Variants in TMEM233 observed in about 807,000 individuals in gnomAD.
TMEM233 encodes transmembrane protein 233.
TMEM233 carries 6 observed loss-of-function variants against 11.2 expected under a neutral mutation model. The ratio of observed to expected loss-of-function variants is 0.54; its 90% CI spans 0.29 to 1.06. TMEM233 has a LOEUF of 1.06. TMEM233 is among the 50% of genes least tolerant of loss of function. TMEM233 has a pLI of 0.08. For missense variants in TMEM233, 127 were observed against 144.7 expected, an observed-to-expected ratio of 0.88 and a Z score of 0.63; for synonymous variants, 59 against 55.8, an observed-to-expected ratio of 1.06 and a Z score of -0.26.
chr12:119,651,471 C>T, the TMEM233 span, among the ~76,000 whole-genome samples: 15 of 152,060 alleles, frequency 9.9e-5, no homozygotes, highest in South Asian at 2.1e-4. Flanking sequence ...GTGACCATTC[C>T]GAAAAAAACT....
the TMEM233 span, among the ~76,000 whole-genome samples, chr12:119,653,484 C>G: frequency 6.6e-6 from 1 of 150,672 alleles, no homozygotes; most frequent in Non-Finnish European, 1.5e-5. Context: ...AGAAACAGAC[C>G]CAAAGACAAT....
intron 1 of TMEM233, among the ~76,000 whole-genome samples, chr12:119,621,907 G>C (rs928502503): frequency 1.3e-5 from 2 of 152,170 alleles, no homozygotes; most frequent in African/African-American, 4.8e-5. Context: ...AAGTTGCCAA[G>C]GTCACTGAGT....
intron 1 of TMEM233, among the ~76,000 whole-genome samples, chr12:119,618,673 C>G (rs7138221): frequency 0.38 from 57,373 of 152,006 alleles, 11,927 homozygotes; most frequent in African/African-American, 0.53. Flanking sequence ...CCTGTAGCCA[C>G]TTTGTTTTGG....
intron 1 of TMEM233, among the ~76,000 whole-genome samples, chr12:119,625,694 A>G (rs1954741149): frequency 1.3e-5 from 2 of 152,192 alleles, no homozygotes; most frequent in South Asian, 4.1e-4. Flanking sequence ...AATGACCTAT[A>G]TAATCACCAA....
chr12:119,647,532 C>A (rs781368735), downstream of TMEM233, among the ~76,000 whole-genome samples: 2 of 152,108 alleles, frequency 1.3e-5, no homozygotes, highest in Non-Finnish European at 2.9e-5. Flanking sequence ...CTAGTGCCAG[C>A]GAGTCTGTTC....
At chr12:119,645,492 G>T (rs1955138633), downstream of TMEM233, among the ~76,000 whole-genome samples, 1 of 152,134 alleles carries the variant, frequency 6.6e-6, no homozygotes, top group South Asian at 2.1e-4. Flanking sequence ...ACAAAGAGAG[G>T]CAGGCATAAA....
intron 1 of TMEM233, among the ~76,000 whole-genome samples, chr12:119,622,210 T>A (rs1008673443): frequency 6.6e-6 from 1 of 152,220 alleles, no homozygotes; most frequent in Admixed American, 6.5e-5. Flanking sequence ...AGTGTCAGTT[T>A]TCTTTTCATA....
chr12:119,647,155 G>A (rs555423197), downstream of TMEM233, among the ~76,000 whole-genome samples: 9 of 152,218 alleles, frequency 5.9e-5, no homozygotes, highest in East Asian at 1.4e-3. Flanking sequence ...CTCTGCCTCC[G>A]AAAGTGCTGG....
chr12:119,609,687 C>G (rs1040966401), intron 1 of TMEM233, among the ~76,000 whole-genome samples: 1 of 152,224 alleles, frequency 6.6e-6, no homozygotes. Flanking sequence ...AGCCTCAAGC[C>G]TTGGGGGCTC....
intron 1 of TMEM233, among the ~76,000 whole-genome samples, chr12:119,616,195 C>G (rs548068891): frequency 6.6e-6 from 1 of 152,298 alleles, no homozygotes; most frequent in South Asian, 2.1e-4. Context: ...TTCCGTTTTG[C>G]CAACATGAGC....
intron 1 of TMEM233, among the ~76,000 whole-genome samples, chr12:119,621,269 G>A (rs547529630): frequency 6.6e-6 from 1 of 152,266 alleles, no homozygotes; most frequent in East Asian, 1.9e-4. Flanking sequence ...TGAACTCCTG[G>A]ACTCACGTGA....
At chr12:119,622,630 C>A (rs530977214) in intron 1 of TMEM233, among the ~76,000 whole-genome samples, 38 of 152,246 alleles carry the variant, frequency 2.5e-4, no homozygotes, top group Non-Finnish European at 7.4e-5. Context: ...GGAAAGAATT[C>A]TTTCTGCTTC....
intron 1 of TMEM233, among the ~76,000 whole-genome samples, chr12:119,604,998 C>CTCTTTTTTTTT (rs567468740): frequency 7.1e-6 from 1 of 141,458 alleles, no homozygotes; most frequent in Non-Finnish European, 1.5e-5. Context: ...CCCTCACTAT[C>CTCTTTTTTTTT]TTTTTTTTTT....
chr12:119,633,213 A>C (rs138146585), intron 2 of TMEM233, among the ~76,000 whole-genome samples: 1,786 of 152,250 alleles, frequency 0.012, 35 homozygotes, highest in African/African-American at 0.041. Flanking sequence ...AATTTCCCTA[A>C]CTATAAAATG....
intron 1 of TMEM233, among the ~76,000 whole-genome samples, chr12:119,627,462 G>A (rs1165090740): frequency 2.0e-5 from 3 of 152,172 alleles, no homozygotes; most frequent in Non-Finnish European, 2.9e-5. Context: ...ATCTTCTTCC[G>A]GTGAGGACTC....
chr12:119,647,364 A>T (rs1955167640), downstream of TMEM233, among the ~76,000 whole-genome samples: 1 of 152,180 alleles, frequency 6.6e-6, no homozygotes, highest in Admixed American at 6.5e-5. Flanking sequence ...GCCCTTGTTG[A>T]CCAGTGATCA....
rs548240506 is a variant in TMEM233 at position 119,594,693 on chromosome 12, C to T, written c.186+659C>T. Among the ~76,000 whole-genome samples the T allele has an allele frequency of 4.0e-4, 61 of 152,264 alleles. No individual in the cohort carries two copies. Among genetic ancestry groups the T allele is most frequent in the African/African-American group, 1.5e-3 (61 of 41,556 alleles). On this transcript the variant is annotated intron_variant, in intron 1 of 2. Coordinates refer to ENST00000426426, the MANE Select transcript of TMEM233 (RefSeq NM_001136534.3). This position sits in a 1 kb window ranked among gnomAD's most constrained non-coding sequence, Gnocchi z 5.6. ...GTTTCCTCTCGCTTCTTCCTACACCCAACTTCCTCTCCTTGCCTCCCTCCG... is the reference window on the plus strand; with the variant it reads ...GTTTCCTCTCGCTTCTTCCTACACCTAACTTCCTCTCCTTGCCTCCCTCCG...
At chr12:119,617,679 C>A (rs771296401) in intron 1 of TMEM233, among the ~76,000 whole-genome samples, 2 of 151,890 alleles carry the variant, frequency 1.3e-5, no homozygotes, top group Non-Finnish European at 2.9e-5. Context: ...ACTAAAAATA[C>A]AAAATTAGCC....
At chr12:119,626,771 T>C (rs1248649317) in intron 1 of TMEM233, among the ~76,000 whole-genome samples, 2 of 152,182 alleles carry the variant, frequency 1.3e-5, no homozygotes, top group African/African-American at 4.8e-5. Context: ...TGCCTGGCAG[T>C]GTACTATGTC....
Sources: allele counts gnomAD v4.1 joint callset (sites outside exome capture counted in the v4.1 genomes callset), GRCh38; gene constraint gnomAD v4.1.1; non-coding constraint Gnocchi (gnomAD v3.1); transcripts MANE v1.5; gene names NCBI Gene and HGNC (gene_info 2026-07-23, HGNC 2026-07-21).